CTNNA2: variants seen among roughly 807,000 people sequenced by gnomAD.
CTNNA2 encodes catenin alpha-2.
CTNNA2 carries 42 observed loss-of-function variants against 101.0 expected under a neutral mutation model. That is an observed-to-expected ratio of 0.42 (90% CI 0.32 to 0.54). The LOEUF (loss-of-function observed/expected upper bound fraction) is 0.54, where lower values mean the gene tolerates loss of function less well. CTNNA2 is among the 20% of genes least tolerant of loss of function. The pLI is 0.14. For missense variants in CTNNA2, 871 were observed against 1,223.1 expected, an observed-to-expected ratio of 0.71 and a Z score of 4.29; for synonymous variants, 450 against 456.4, an observed-to-expected ratio of 0.99 and a Z score of 0.18.
chr2:79,946,606 A>C (rs886272709), intron 7 of CTNNA2, among the ~76,000 whole-genome samples: 1 of 152,208 alleles, frequency 6.6e-6, no homozygotes, highest in African/African-American at 2.4e-5. Flanking sequence ...CCTCCATTAT[A>C]ATTTAATCTT....
intron 7 of CTNNA2, among the ~76,000 whole-genome samples, chr2:80,132,232 T>C (rs17018654): frequency 0.045 from 6,804 of 152,174 alleles, 450 homozygotes; most frequent in African/African-American, 0.15. Flanking sequence ...ACATTGCTAC[T>C]GAAAGCTTCA....
At chr2:80,108,860 A>C (rs1299640946) in intron 7 of CTNNA2, among the ~76,000 whole-genome samples, 1 of 152,054 alleles carries the variant, frequency 6.6e-6, no homozygotes, top group Non-Finnish European at 1.5e-5. Flanking sequence ...ACACTTTATG[A>C]GATGTTAACA....
chr2:79,737,811 T>G (rs1259828107), intron 2 of CTNNA2, among the ~76,000 whole-genome samples: 1 of 152,170 alleles, frequency 6.6e-6, no homozygotes, highest in Non-Finnish European at 1.5e-5. Context: ...GCAACAGAGT[T>G]GCTCTGTCAC....
intron 7 of CTNNA2, among the ~76,000 whole-genome samples, chr2:80,139,346 T>C (rs530470228): frequency 2.2e-4 from 34 of 152,298 alleles, no homozygotes; most frequent in Middle Eastern, 3.4e-3. Flanking sequence ...CTTTTAATTA[T>C]ACAATATCTG....
At chr2:79,350,470 C>CT (rs1331558053) in intron 3 of CTNNA2, among the ~76,000 whole-genome samples, 3 of 152,200 alleles carry the variant, frequency 2.0e-5, no homozygotes, top group African/African-American at 7.2e-5. Flanking sequence ...TGATTTTATT[C>CT]TTTTTTATGG....
intron 7 of CTNNA2, among the ~76,000 whole-genome samples, chr2:80,372,519 C>A (rs1409305261): frequency 6.6e-6 from 1 of 151,924 alleles, no homozygotes; most frequent in Non-Finnish European, 1.5e-5. Context: ...CTCTTTGGCC[C>A]TTGAACATGT....
At chr2:79,913,114 A>G (rs1248755893) in intron 7 of CTNNA2, among the ~76,000 whole-genome samples, 2 of 152,230 alleles carry the variant, frequency 1.3e-5, no homozygotes, top group African/African-American at 4.8e-5. Flanking sequence ...GACAGACAGT[A>G]AATACTAAGT....
rs576543325 is a variant in CTNNA2 at position 79,337,855 on chromosome 2, A to G, written c.-318+25059A>G. ...TTTACAAGCTGTGATAAGTGCTACT[A>G]AAAAAAGAAACATATTTTCTTCGTG... On this transcript the variant is annotated intron_variant, in intron 3 of 21. Transcript: ENST00000466387. Among the ~76,000 whole-genome samples the G allele has an allele frequency of 5.3e-5, 8 of 152,288 alleles. No individual in the cohort carries two copies. The East Asian group carries it at 1.5e-3, about 29-fold the overall frequency.
intron 1 of CTNNA2, among the ~76,000 whole-genome samples, chr2:79,557,453 T>A (rs544848960): frequency 1.3e-5 from 2 of 151,972 alleles, no homozygotes; most frequent in South Asian, 4.1e-4. Context: ...GTAATTCACT[T>A]TTTAGGTTTC....
chr2:80,009,157 A>G (rs1033888235), intron 7 of CTNNA2, among the ~76,000 whole-genome samples: 1 of 152,202 alleles, frequency 6.6e-6, no homozygotes, highest in Non-Finnish European at 1.5e-5. Flanking sequence ...ACCTGAGTAT[A>G]TGGTACTTTT....
intron 4 of CTNNA2, among the ~76,000 whole-genome samples, chr2:79,445,697 A>G (rs1478871744): frequency 6.6e-6 from 1 of 152,132 alleles, no homozygotes; most frequent in Non-Finnish European, 1.5e-5. Flanking sequence ...TCGTATCCAG[A>G]GTAGCCTAGA....
chr2:80,351,314 A>G (rs987808382), intron 7 of CTNNA2, among the ~76,000 whole-genome samples: 1 of 152,062 alleles, frequency 6.6e-6, no homozygotes, highest in South Asian at 2.1e-4. Context: ...TAGAGCCTAA[A>G]TGTAATACTC....
chr2:79,231,679 C>T (rs552788117), intron 2 of CTNNA2, among the ~76,000 whole-genome samples: 1 of 152,120 alleles, frequency 6.6e-6, no homozygotes, highest in Admixed American at 6.5e-5. Context: ...ATTAATACTT[C>T]CAATCCATGA....
At chr2:80,534,007 G>A (rs533785147) in intron 9 of CTNNA2, among the ~76,000 whole-genome samples, 1 of 152,252 alleles carries the variant, frequency 6.6e-6, no homozygotes, top group East Asian at 1.9e-4. Flanking sequence ...TTTATGCTGA[G>A]TGATTCAGCT....
intron 17 of CTNNA2, among the ~76,000 whole-genome samples, chr2:80,615,684 T>C (rs566710197): frequency 2.0e-5 from 3 of 151,828 alleles, no homozygotes; most frequent in Admixed American, 2.0e-4. Context: ...TTTAACTTAC[T>C]GTTGTCTACA....
intron 7 of CTNNA2, among the ~76,000 whole-genome samples, chr2:80,011,324 G>C (rs987765081): frequency 2.0e-5 from 3 of 152,172 alleles, no homozygotes; most frequent in Non-Finnish European, 4.4e-5. Flanking sequence ...ATCTCAGGCA[G>C]AATCTACGTA....
At chr2:80,432,556 G>A (rs976824013) in intron 9 of CTNNA2, among the ~76,000 whole-genome samples, 6 of 152,080 alleles carry the variant, frequency 3.9e-5, no homozygotes, top group South Asian at 2.1e-4. Context: ...ACATAATACC[G>A]GTGGCCACCA....
intron 2 of CTNNA2, among the ~76,000 whole-genome samples, chr2:79,286,069 A>G (rs1675568435): frequency 6.6e-6 from 1 of 151,310 alleles, no homozygotes; most frequent in East Asian, 1.9e-4. Context: ...AGAGACTAGG[A>G]TTGCAACCCC....
At chr2:79,193,585 C>A (rs1558569261) in intron 1 of CTNNA2, among the ~76,000 whole-genome samples, 1 of 152,064 alleles carries the variant, frequency 6.6e-6, no homozygotes, top group Non-Finnish European at 1.5e-5. Context: ...AATGTATCCC[C>A]AATATTAAGT....
Sources: allele counts gnomAD v4.1 joint callset (sites outside exome capture counted in the v4.1 genomes callset), GRCh38; gene constraint gnomAD v4.1.1; transcripts MANE v1.5; gene names NCBI Gene and HGNC (gene_info 2026-07-23, HGNC 2026-07-21).